SHC3: variants seen among roughly 807,000 people sequenced by gnomAD.
SHC3 encodes the protein SHC-transforming protein 3.
In SHC3, 15 loss-of-function variants were observed where a neutral mutation model predicts 60.4. The ratio of observed to expected loss-of-function variants is 0.25; its 90% CI spans 0.17 to 0.38. The LOEUF is 0.38. Ranked by LOEUF, SHC3 falls within the 10% of genes least tolerant of loss-of-function variation. The pLI is 1.00. For synonymous variants in SHC3, 294 were observed against 325.9 expected, an observed-to-expected ratio of 0.90 and a Z score of 1.05; for missense variants, 677 against 786.1, an observed-to-expected ratio of 0.86 and a Z score of 1.66.
intron 6 of SHC3, among the ~76,000 whole-genome samples, chr9:89,064,663 T>C (rs1418825792): frequency 6.6e-6 from 1 of 152,126 alleles, no homozygotes; most frequent in East Asian, 1.9e-4. Flanking sequence ...TGATTCTCCA[T>C]AAGGCCGCAT....
intron 2 of SHC3, chr9:89,110,512 G>A: frequency 2.1e-6 from 2 of 944,086 alleles, no homozygotes; most frequent in Non-Finnish European, 2.5e-6. Flanking sequence ...GCTCCACAGT[G>A]TGCTACATCT....
chr9:89,103,342 T>C (rs1587728600), intron 2 of SHC3, among the ~76,000 whole-genome samples: 1 of 152,126 alleles, frequency 6.6e-6, no homozygotes, highest in East Asian at 1.9e-4. Context: ...GCTTTTGAGT[T>C]TGGGAGACCA....
chr9:89,037,184 C>T lies in SHC3; in HGVS notation c.1656+809G>A, dbSNP rs534994578. On this transcript the variant is annotated intron_variant, in intron 11 of 11. Transcript: ENST00000375835. ...GTAATAAACTGTCTTGGGTAACACC[C>T]CCACCCCCGACACATGCAGTTTAAT... Among the ~76,000 whole-genome samples the T allele has an allele frequency of 3.9e-5, 6 of 152,250 alleles. No individual in the cohort carries two copies. In the South Asian group the frequency reaches 1.0e-3, roughly 26 times the overall value.
intron 1 of SHC3, among the ~76,000 whole-genome samples, chr9:89,173,536 CTG>C (rs1009859787): frequency 4.6e-5 from 7 of 152,184 alleles, no homozygotes; most frequent in Non-Finnish European, 5.9e-5. Context: ...AAAGAAATGA[CTG>C]AGATAATTGG....
At position 89,018,699 on chromosome 9, in the gene SHC3, C is replaced by CT. The variant is rs34145222; in HGVS notation, c.1657-5125dup. On this transcript the variant is annotated intron_variant, in intron 11 of 11. Transcript: ENST00000375835. ...TTTTTTTTTCTTTCTTTCTTTCTTT[C>CT]TTTTTTTTTTTTAAAGAAAACCCTC... Among the ~76,000 whole-genome samples the CT allele has an allele frequency of 3.7e-3, 503 of 137,484 alleles. 2 individuals carry two copies. The highest frequency in any genetic ancestry group is 0.013 in the African/African-American group (465 of 36,336). 90.2% of individuals were successfully genotyped at this position (137,484 alleles called of 152,430 possible).
intron 10 of SHC3, 40 bp downstream of exon 10, chr9:89,041,986 C>A: frequency 1.2e-6 from 2 of 1,611,630 alleles, no homozygotes; most frequent in Non-Finnish European, 1.7e-6. Flanking sequence ...TAAAAAGCAA[C>A]CTCAAAAGAA....
intron 11 of SHC3, among the ~76,000 whole-genome samples, chr9:89,021,784 A>G (rs1031926498): frequency 2.6e-5 from 4 of 152,190 alleles, no homozygotes; most frequent in Admixed American, 2.6e-4. Context: ...TTGCCCTCTA[A>G]GACGTTTCTT....
At chr9:89,039,569 G>A (rs773220435) in intron 10 of SHC3, among the ~76,000 whole-genome samples, 9 of 151,532 alleles carry the variant, frequency 5.9e-5, no homozygotes, top group Non-Finnish European at 1.0e-4. Context: ...CCCCAACATC[G>A]CCACCATCCC....
intron 2 of SHC3, among the ~76,000 whole-genome samples, chr9:89,095,985 C>T (rs931319956): frequency 5.3e-5 from 8 of 152,108 alleles, no homozygotes; most frequent in African/African-American, 7.2e-5. Flanking sequence ...CCCTGTCCTC[C>T]GCAGCTATTA....
chr9:89,162,897 G>GA (rs1196422312), intron 1 of SHC3, among the ~76,000 whole-genome samples: 19 of 138,410 alleles, frequency 1.4e-4, no homozygotes, highest in African/African-American at 5.2e-4. Flanking sequence ...AAATTTACAA[G>GA]AAAAAAACAA....
In SHC3 at chr9:89,149,124, A is replaced by G. The variant is rs146747393; in HGVS notation, c.474+28863T>C. 1.6e-3 allele frequency among the ~76,000 whole-genome samples: 244 copies of G among 152,352 alleles called. 1 individual carries two copies. The highest frequency in any genetic ancestry group is 5.4e-3 in the African/African-American group (226 of 41,584). ...GTGGCATCGCTGTGTGCATAATCAA[A>G]GCAAGTTAGACATGCTGCATTCTAA... On this transcript the variant is annotated intron_variant, in intron 1 of 11. Transcript: ENST00000375835.
In SHC3 at chr9:89,164,695, T is replaced by C. The variant is rs1157252557; in HGVS notation, c.474+13292A>G. 2.0e-5 allele frequency among the ~76,000 whole-genome samples: 3 copies of C among 152,278 alleles called. No homozygotes were observed. In the South Asian group the frequency reaches 6.2e-4, roughly 32 times the overall value. On this transcript the variant is annotated intron_variant, in intron 1 of 11. Coordinates refer to ENST00000375835, the MANE Select transcript of SHC3 (RefSeq NM_016848.6). ...ACAGAAAAAGGTGAAAAATGCATAT[T>C]TATCTTACTAGATGCTGAAAAAAAC...
At chr9:89,170,207 C>T (rs933882141) in intron 1 of SHC3, among the ~76,000 whole-genome samples, 2 of 152,194 alleles carry the variant, frequency 1.3e-5, no homozygotes, top group African/African-American at 4.8e-5. Flanking sequence ...AGCACAGGGG[C>T]ACATCCAGGA....
chr9:89,049,042 AC>A (rs1322766736), intron 7 of SHC3, among the ~76,000 whole-genome samples: 1 of 152,186 alleles, frequency 6.6e-6, no homozygotes, highest in Non-Finnish European at 1.5e-5. Context: ...GGGGCGGATC[AC>A]GAGGTCAGGA....
chr9:89,159,222 A>G (rs998546446), intron 1 of SHC3, among the ~76,000 whole-genome samples: 2 of 152,340 alleles, frequency 1.3e-5, no homozygotes, highest in East Asian at 3.8e-4. Context: ...CTAAAGACCA[A>G]ATTATTCTTA....
At chr9:89,116,007 T>C (rs899608271) in intron 1 of SHC3, among the ~76,000 whole-genome samples, 28 of 152,192 alleles carry the variant, frequency 1.8e-4, no homozygotes, top group African/African-American at 6.8e-4. Context: ...GCAAGTACCA[T>C]AATTAATGTC....
chr9:89,154,440 G>C (rs1297059930), intron 1 of SHC3, among the ~76,000 whole-genome samples: 2 of 152,182 alleles, frequency 1.3e-5, no homozygotes, highest in East Asian at 3.9e-4. Context: ...CCTGTGAGGA[G>C]GGGATGCCCC....
At chr9:89,157,219 G>A (rs2118231969) in intron 1 of SHC3, among the ~76,000 whole-genome samples, 1 of 152,334 alleles carries the variant, frequency 6.6e-6, no homozygotes, top group Admixed American at 6.5e-5. Context: ...TCCTGAGATA[G>A]AAAGATCATT....
chr9:89,035,121 A>G (rs10780222), intron 11 of SHC3, among the ~76,000 whole-genome samples: 129,759 of 152,208 alleles, frequency 0.85, 55,582 homozygotes, highest in East Asian at 1. Flanking sequence ...CCCAGAGCTC[A>G]GGGCCTTTGC....
Sources: gnomAD v4.1 joint callset for allele counts (sites outside exome capture counted in the v4.1 genomes callset) on GRCh38, gnomAD v4.1.1 for gene constraint, MANE v1.5 for transcripts, NCBI Gene and HGNC (gene_info 2026-07-23, HGNC 2026-07-21) for gene names.